PREX1: variants seen among roughly 807,000 people sequenced by gnomAD.
The protein encoded by PREX1 is phosphatidylinositol 3,4,5-trisphosphate-dependent Rac exchanger 1 protein.
Under a neutral mutation model 198.3 loss-of-function variants are expected in PREX1, and 41 were observed. The ratio of observed to expected loss-of-function variants is 0.21; its 90% CI spans 0.16 to 0.27. PREX1 has a LOEUF of 0.27. Among genes scored for constraint, PREX1 ranks in the 10% least tolerant of loss-of-function variants. The pLI, the probability that PREX1 is intolerant of heterozygous loss-of-function variation, is 1.00. For missense variants in PREX1, 1,620 were observed against 2,200.7 expected, an observed-to-expected ratio of 0.74 and a Z score of 5.28; for synonymous variants, 843 against 887.2, an observed-to-expected ratio of 0.95 and a Z score of 0.89.
intron 1 of PREX1, among the ~76,000 whole-genome samples, chr20:48,773,261 G>A (rs1336602542): frequency 8.8e-6 from 1 of 114,264 alleles, no homozygotes; most frequent in Non-Finnish European, 1.8e-5. Context: ...AGTGAGACTT[G>A]GTCTCAAAAA....
At chr20:48,741,822 C>G (rs996193144) in intron 3 of PREX1, among the ~76,000 whole-genome samples, 4 of 152,164 alleles carry the variant, frequency 2.6e-5, no homozygotes, top group African/African-American at 9.7e-5. Flanking sequence ...TCTGAGGGAA[C>G]TGGTCCAGCA....
intron 5 of PREX1, among the ~76,000 whole-genome samples, chr20:48,724,018 GAGA>G (rs962710195): frequency 7.9e-5 from 12 of 152,334 alleles, no homozygotes; most frequent in African/African-American, 2.6e-4. Flanking sequence ...TTGAAACGCA[GAGA>G]AGAAGGACAC....
At chr20:48,626,202 G>A (rs1406975499) in intron 39 of PREX1, among the ~76,000 whole-genome samples, 3 of 152,140 alleles carry the variant, frequency 2.0e-5, no homozygotes, top group African/African-American at 7.2e-5. Context: ...GGGGTGGGGT[G>A]CACATTCCAC....
chr20:48,781,742 C>G (rs986446462), intron 1 of PREX1, among the ~76,000 whole-genome samples: 4 of 152,182 alleles, frequency 2.6e-5, no homozygotes, highest in Non-Finnish European at 4.4e-5. Context: ...CTTCTGAAAA[C>G]AGGGAAGGGG....
the PREX1 span, among the ~76,000 whole-genome samples, chr20:48,845,651 G>A: frequency 2.0e-5 from 3 of 149,824 alleles, no homozygotes; most frequent in Admixed American, 1.4e-4. Context: ...GTAATGAGCC[G>A]TGACTGTGCC....
intron 5 of PREX1, among the ~76,000 whole-genome samples, chr20:48,719,198 A>G (rs926629): frequency 0.57 from 87,142 of 152,014 alleles, 26,738 homozygotes; most frequent in African/African-American, 0.8. Flanking sequence ...ACACAGTACA[A>G]GAGAAAGTAG....
chr20:48,808,068 G>A (rs1384343886), intron 1 of PREX1, among the ~76,000 whole-genome samples: 1 of 152,122 alleles, frequency 6.6e-6, no homozygotes, highest in Non-Finnish European at 1.5e-5. Flanking sequence ...GAAAGGGGAG[G>A]GGGGCACTGT....
intron 10 of PREX1, among the ~76,000 whole-genome samples, chr20:48,683,303 G>A (rs1912194895): frequency 6.6e-6 from 1 of 152,216 alleles, no homozygotes; most frequent in Admixed American, 6.5e-5. Flanking sequence ...AGAAGAAGAC[G>A]GCCCAGAGGA....
At chr20:48,878,415 C>A in the PREX1 span, among the ~76,000 whole-genome samples, 1 of 152,058 alleles carries the variant, frequency 6.6e-6, no homozygotes, top group Admixed American at 6.6e-5. Flanking sequence ...TCTCGGCTCA[C>A]TGAAACCTCC....
intron 1 of PREX1, among the ~76,000 whole-genome samples, chr20:48,813,318 C>G (rs1234917269): frequency 1.3e-5 from 2 of 152,228 alleles, no homozygotes; most frequent in Non-Finnish European, 2.9e-5. Context: ...ATGAGCACAT[C>G]TCAGTGGAGA....
At chr20:48,842,497 G>A in the PREX1 span, among the ~76,000 whole-genome samples, 2 of 151,890 alleles carry the variant, frequency 1.3e-5, no homozygotes, top group Non-Finnish European at 1.5e-5. Context: ...GCTTTCTGGA[G>A]TGTGAAGTCT....
chr20:48,702,359 A>G (rs2089879774), intron 6 of PREX1, among the ~76,000 whole-genome samples: 1 of 152,200 alleles, frequency 6.6e-6, no homozygotes, highest in African/African-American at 2.4e-5. Flanking sequence ...AAGAGAGAAG[A>G]AAAGAGACCT....
At chr20:48,811,186 T>A (rs80196563) in intron 1 of PREX1, among the ~76,000 whole-genome samples, 6,706 of 151,986 alleles carry the variant, frequency 0.044, 181 homozygotes, top group African/African-American at 0.053. Context: ...CAATTTTTTT[T>A]TTATTATTAT....
rs757759399 is a variant in PREX1, at chr20:48,625,912, G to A, written c.4953C>T (p.Cys1651=). The A allele has an allele frequency of 1.1e-5, 17 of 1,562,916 alleles. No individual in the cohort carries two copies. In the Admixed American group the frequency reaches 2.9e-4, roughly 27 times the overall value. Residue 1651 remains cysteine (C), a synonymous_variant, in exon 40 of 40, where the codon TGC becomes TGT. Coordinates refer to ENST00000371941, the MANE Select transcript of PREX1 (RefSeq NM_020820.4). ...PQGAPRLYRL[C]QPPVDGDL is the part of the protein sequence containing the mutation. ...AGAGGTCCCCATCCACCGGCGGCTGGCAGAGGCGGTAGAGGCTGGGGATGG... is the reference window on the plus strand; with the variant it reads ...AGAGGTCCCCATCCACCGGCGGCTGACAGAGGCGGTAGAGGCTGGGGATGG...
At chr20:48,807,597 G>T (rs1027682206) in intron 1 of PREX1, among the ~76,000 whole-genome samples, 2 of 152,126 alleles carry the variant, frequency 1.3e-5, no homozygotes, top group African/African-American at 4.8e-5. Flanking sequence ...TTCTATAGGA[G>T]AAGTTCCTAA....
intron 5 of PREX1, among the ~76,000 whole-genome samples, chr20:48,717,117 A>C (rs1261156033): frequency 6.6e-6 from 1 of 152,224 alleles, no homozygotes; most frequent in Non-Finnish European, 1.5e-5. Flanking sequence ...ATAAACCCAC[A>C]GTGTGAAAAC....
At chr20:48,845,687 GC>G in the PREX1 span, among the ~76,000 whole-genome samples, 4 of 138,004 alleles carry the variant, frequency 2.9e-5, no homozygotes, top group South Asian at 4.5e-4. Context: ...GGGTGACAAA[GC>G]AAGACCTTGT....
chr20:48,657,750 C>T (rs1307692441), intron 17 of PREX1, among the ~76,000 whole-genome samples: 2 of 151,928 alleles, frequency 1.3e-5, no homozygotes, highest in African/African-American at 2.4e-5. Flanking sequence ...GCTGAATCCT[C>T]GGCCAGCCAC....
At chr20:48,863,491 G>GT in the PREX1 span, among the ~76,000 whole-genome samples, 3 of 144,112 alleles carry the variant, frequency 2.1e-5, no homozygotes, top group Admixed American at 6.9e-5. Context: ...GTTTTGTGGG[G>GT]TTTTTTTGTT....
Sources: gnomAD v4.1 joint callset for allele counts (sites outside exome capture counted in the v4.1 genomes callset) on GRCh38, gnomAD v4.1.1 for gene constraint, MANE v1.5 for transcripts, NCBI Gene and HGNC (gene_info 2026-07-23, HGNC 2026-07-21) for gene names.